Variants in ELMO1 observed in about 807,000 individuals in gnomAD.
The protein encoded by ELMO1 is engulfment and cell motility protein 1.
A neutral mutation model predicts 98.9 loss-of-function variants in ELMO1; 26 were observed. That is an observed-to-expected ratio of 0.26 (90% CI 0.19 to 0.36). The LOEUF (loss-of-function observed/expected upper bound fraction) is 0.36. Ranked by LOEUF, ELMO1 falls within the 10% of genes least tolerant of loss-of-function variation. The pLI is 1.00. For missense variants in ELMO1, 627 were observed against 935.2 expected (o/e 0.67, Z 4.30); for synonymous variants, 346 against 346.0 (o/e 1.00, Z 0.00).
chr7:37,221,531 T>C (rs1337979005), intron 10 of ELMO1, among the ~76,000 whole-genome samples: 1 of 152,088 alleles, frequency 6.6e-6, no homozygotes, highest in Non-Finnish European at 1.5e-5. Flanking sequence ...AAAACATGAA[T>C]GGATTTTGAG....
At chr7:37,259,083 G>T in intron 6 of ELMO1, 98 bp downstream of exon 6, 2 of 1,361,528 alleles carry the variant, frequency 1.5e-6, no homozygotes, top group South Asian at 1.7e-5. Context: ...CAAGGCTCTG[G>T]TCTTTAAAAC....
Position 36,966,922 on chromosome 7 carries a change from T to C in ELMO1, c.1437+46377A>G, listed in dbSNP as rs982034652. 2.0e-5 allele frequency among the ~76,000 whole-genome samples: 3 copies of C among 152,340 alleles called. No individual in the cohort carries two copies. In the East Asian group the frequency reaches 5.8e-4, roughly 29 times the overall value. ...CCAAAGAGGCTGGCTCGCTGGCCAC[T>C]GGAGAACAAATTTCACGTATAGGGG... On this transcript the variant is annotated intron_variant, in intron 16 of 21. Transcript: ENST00000310758.
At chr7:37,307,681 C>G (rs376833365) in intron 4 of ELMO1, among the ~76,000 whole-genome samples, 83 of 152,262 alleles carry the variant, frequency 5.5e-4, no homozygotes, top group African/African-American at 2.0e-3. Context: ...TCATTACTAC[C>G]CTCAGCCAAG....
intron 1 of ELMO1, among the ~76,000 whole-genome samples, chr7:37,371,633 A>G (rs993872360): frequency 1.3e-5 from 2 of 152,224 alleles, no homozygotes; most frequent in Non-Finnish European, 2.9e-5. Flanking sequence ...GGAATCTAGG[A>G]TCTGCTAACG....
intron 15 of ELMO1, among the ~76,000 whole-genome samples, chr7:37,081,851 C>A (rs895284137): frequency 3.9e-5 from 6 of 152,110 alleles, no homozygotes; most frequent in African/African-American, 9.7e-5. Flanking sequence ...AAACAATGAA[C>A]CCTGCGAGGC....
chr7:37,375,909 T>C (rs1356763725), intron 1 of ELMO1: 2 of 661,082 alleles, frequency 3.0e-6, no homozygotes, highest in Non-Finnish European at 5.5e-6. Context: ...CGTGCAGACA[T>C]AGTGCTGCTG....
intron 1 of ELMO1, among the ~76,000 whole-genome samples, chr7:37,421,562 A>G (rs1804474456): frequency 6.6e-6 from 1 of 152,216 alleles, no homozygotes; most frequent in Non-Finnish European, 1.5e-5. Flanking sequence ...TATCAAAGCT[A>G]AGAACAGTCA....
chr7:37,013,724 T>G, intron 15 of ELMO1: 2 of 329,490 alleles, frequency 6.1e-6, no homozygotes, highest in Non-Finnish European at 1.2e-5. Context: ...CCAAAACTGC[T>G]GTGTTGATTA....
intron 2 of ELMO1, among the ~76,000 whole-genome samples, chr7:37,329,375 T>G (rs762467381): frequency 6.6e-5 from 10 of 152,196 alleles, no homozygotes; most frequent in Non-Finnish European, 1.2e-4. Flanking sequence ...AGCATACCCA[T>G]CATCTCAAAT....
Position 37,255,498 on chromosome 7 carries a change from A to C in ELMO1, c.413+3683T>G, listed in dbSNP as rs1795589431. On this transcript the variant is annotated intron_variant, in intron 6 of 21. Coordinates refer to ENST00000310758, the MANE Select transcript of ELMO1 (RefSeq NM_014800.11). ...AGTAAAGCAATGAGAAACTGAAAACAAAAGCTCCTAGCAGGCAGTTTCATT... is the reference window on the plus strand; with the variant it reads ...AGTAAAGCAATGAGAAACTGAAAACCAAAGCTCCTAGCAGGCAGTTTCATT... 2.6e-5 allele frequency among the ~76,000 whole-genome samples: 4 copies of C among 152,180 alleles called. No homozygotes were observed. The South Asian group carries it at 8.3e-4, about 32-fold the overall frequency.
intron 16 of ELMO1, among the ~76,000 whole-genome samples, chr7:36,981,024 C>T (rs1791005339): frequency 6.6e-6 from 1 of 151,916 alleles, no homozygotes. Flanking sequence ...GAAATGGGGA[C>T]CACTGGGTCA....
chr7:37,146,379 C>G (rs1238918818), intron 13 of ELMO1, among the ~76,000 whole-genome samples: 1 of 152,206 alleles, frequency 6.6e-6, no homozygotes, highest in Admixed American at 6.5e-5. Context: ...GCCACATTAA[C>G]CAAATGCAAG....
Position 37,437,741 on chromosome 7 carries a change from G to A in ELMO1, c.-74+10934C>T, listed in dbSNP as rs1354872383. On this transcript the variant is annotated intron_variant, in intron 1 of 21. Coordinates refer to ENST00000310758, the MANE Select transcript of ELMO1 (RefSeq NM_014800.11). Reference sequence around the variant, plus strand: ...TCCCAGCACTTTGGGAGGCCGAGGCGGGTGGATCATGAGGTCAGGAGATCG... The same window carrying A: ...TCCCAGCACTTTGGGAGGCCGAGGCAGGTGGATCATGAGGTCAGGAGATCG... 8.7e-4 allele frequency among the ~76,000 whole-genome samples: 10 copies of A among 11,494 alleles called. 2 individuals carry two copies. The highest frequency in any genetic ancestry group is 2.5e-3 in the South Asian group (1 of 400). The allele number at this position is 11,494 out of a possible 152,430, so 7.5% of individuals were successfully genotyped here.
chr7:37,248,194 ATGTG>A (rs3054282), intron 6 of ELMO1, among the ~76,000 whole-genome samples: 9 of 141,130 alleles, frequency 6.4e-5, no homozygotes, highest in African/African-American at 1.0e-4. Context: ...GGGATTTTAT[ATGTG>A]TGTGTGTGTG....
chr7:36,983,516 GAAACACC>G (rs1383758860), intron 16 of ELMO1, among the ~76,000 whole-genome samples: 2 of 152,148 alleles, frequency 1.3e-5, no homozygotes, highest in African/African-American at 2.4e-5. Flanking sequence ...CGACATGCAT[GAAACACC>G]AAACACTTGT....
intron 4 of ELMO1, among the ~76,000 whole-genome samples, chr7:37,311,092 C>A (rs1338702588): frequency 6.6e-6 from 1 of 151,950 alleles, no homozygotes; most frequent in East Asian, 1.9e-4. Flanking sequence ...TCTTAACTTT[C>A]TCTGAGGCAT....
intron 13 of ELMO1, among the ~76,000 whole-genome samples, chr7:37,178,708 C>T (rs546605948): frequency 6.6e-6 from 1 of 152,286 alleles, no homozygotes; most frequent in South Asian, 2.1e-4. Flanking sequence ...GAGAGACGTA[C>T]CTCCTCATAC....
chr7:36,919,075 T>C (rs1784934491), intron 16 of ELMO1, among the ~76,000 whole-genome samples: 1 of 152,200 alleles, frequency 6.6e-6, no homozygotes, highest in Non-Finnish European at 1.5e-5. Flanking sequence ...CTTATAGGAA[T>C]TTAGCATCCA....
At chr7:37,381,569 T>C (rs1802583253) in intron 1 of ELMO1, among the ~76,000 whole-genome samples, 1 of 152,220 alleles carries the variant, frequency 6.6e-6, no homozygotes, top group Admixed American at 6.5e-5. Context: ...TAACAATGGG[T>C]GGTTTCATGA....
Sources: allele counts gnomAD v4.1 joint callset (sites outside exome capture counted in the v4.1 genomes callset), GRCh38; gene constraint gnomAD v4.1.1; transcripts MANE v1.5; gene names NCBI Gene and HGNC (gene_info 2026-07-23, HGNC 2026-07-21).